FHIT: variants seen among roughly 807,000 people sequenced by gnomAD.
FHIT encodes bis(5'-adenosyl)-triphosphatase.
A neutral mutation model predicts 17.9 loss-of-function variants in FHIT; 19 were observed. The observed-to-expected ratio is 1.06, with a 90% CI of 0.74 to 1.56. The LOEUF is 1.56. Among genes scored for constraint, FHIT ranks in the 40% most tolerant of loss-of-function variants. The pLI, the probability that FHIT is intolerant of heterozygous loss-of-function variation, is 0.00. For missense variants in FHIT, 248 were observed against 189.2 expected (o/e 1.31, Z -1.82); for synonymous variants, 81 against 69.7 (o/e 1.16, Z -0.81).
At chr3:60,446,281 T>C (rs897923429) in intron 5 of FHIT, among the ~76,000 whole-genome samples, 5 of 152,118 alleles carry the variant, frequency 3.3e-5, no homozygotes, top group Admixed American at 2.6e-4. Flanking sequence ...GGATTTTAAG[T>C]AGAATTACAG....
At chr3:60,329,232 C>G (rs1317977527) in intron 5 of FHIT, among the ~76,000 whole-genome samples, 1 of 151,878 alleles carries the variant, frequency 6.6e-6, no homozygotes, top group Non-Finnish European at 1.5e-5. Context: ...ATTTAGCTAA[C>G]CATTTTAACA....
At chr3:60,530,617 G>C (rs576172233) in intron 5 of FHIT, among the ~76,000 whole-genome samples, 1 of 152,236 alleles carries the variant, frequency 6.6e-6, no homozygotes, top group Admixed American at 6.5e-5. Context: ...CTGACCCCAC[G>C]TGCAGCCTGA....
At chr3:59,875,826 A>C (rs1004437738) in intron 8 of FHIT, among the ~76,000 whole-genome samples, 1 of 152,114 alleles carries the variant, frequency 6.6e-6, no homozygotes, top group African/African-American at 2.4e-5. Context: ...TCATATTCAT[A>C]TGGATTCATA....
At chr3:60,296,394 G>A (rs147704656) in intron 5 of FHIT, among the ~76,000 whole-genome samples, 48 of 152,212 alleles carry the variant, frequency 3.2e-4, no homozygotes, top group African/African-American at 9.6e-4. Flanking sequence ...ATATCTCAAC[G>A]TGGTTTTATT....
At chr3:60,225,453 C>T (rs141060051) in intron 5 of FHIT, among the ~76,000 whole-genome samples, 1 of 152,136 alleles carries the variant, frequency 6.6e-6, no homozygotes, top group East Asian at 1.9e-4. Flanking sequence ...AGAAACAGGG[C>T]TAAAGGACTA....
chr3:61,136,711 G>A (rs991118708), intron 2 of FHIT, among the ~76,000 whole-genome samples: 1 of 152,220 alleles, frequency 6.6e-6, no homozygotes, highest in African/African-American at 2.4e-5. Context: ...GAGTGTCCAA[G>A]TCATTCACTT....
At chr3:60,619,600 C>CAAAAAAAAA (rs57198487) in intron 4 of FHIT, among the ~76,000 whole-genome samples, 8 of 88,690 alleles carry the variant, frequency 9.0e-5, no homozygotes, top group East Asian at 3.8e-4. Context: ...TACCCACATG[C>CAAAAAAAAA]AAAAAAAAAA....
At chr3:60,292,568 A>G (rs1451222453) in intron 5 of FHIT, among the ~76,000 whole-genome samples, 1 of 152,184 alleles carries the variant, frequency 6.6e-6, no homozygotes, top group Non-Finnish European at 1.5e-5. Flanking sequence ...AAGAGCATAT[A>G]ATACTCAGAA....
chr3:60,582,952 G>T (rs1389436065), intron 4 of FHIT, among the ~76,000 whole-genome samples: 2 of 151,902 alleles, frequency 1.3e-5, no homozygotes. Context: ...GCTAGGACTT[G>T]AACCCTATCT....
intron 8 of FHIT, among the ~76,000 whole-genome samples, chr3:59,821,731 C>T (rs986394361): frequency 1.3e-5 from 2 of 152,102 alleles, no homozygotes; most frequent in African/African-American, 4.8e-5. Context: ...TTTCCTTCTG[C>T]TCCTGGTTCT....
intron 7 of FHIT, among the ~76,000 whole-genome samples, chr3:59,995,524 T>C (rs1559533012): frequency 6.6e-6 from 1 of 152,168 alleles, no homozygotes; most frequent in East Asian, 1.9e-4. Context: ...TATTGTAAAC[T>C]TAACACCAGA....
At chr3:59,882,359 GA>G (rs1018911870) in intron 8 of FHIT, among the ~76,000 whole-genome samples, 38 of 151,562 alleles carry the variant, frequency 2.5e-4, no homozygotes, top group African/African-American at 5.8e-4. Context: ...CTGGATTAAG[GA>G]AAAAAAATAT....
chr3:60,263,310 A>G (rs1385985298), intron 5 of FHIT, among the ~76,000 whole-genome samples: 1 of 152,022 alleles, frequency 6.6e-6, no homozygotes, highest in Non-Finnish European at 1.5e-5. Context: ...ATTTGACTTT[A>G]AATATAGCAT....
intron 8 of FHIT, among the ~76,000 whole-genome samples, chr3:59,826,123 A>AT: frequency 6.6e-6 from 1 of 151,984 alleles, no homozygotes; most frequent in Non-Finnish European, 1.5e-5. Context: ...TGATCATCTT[A>AT]TTTATTTATT....
chr3:60,202,018 A>C (rs904305992), intron 5 of FHIT, among the ~76,000 whole-genome samples: 4 of 152,322 alleles, frequency 2.6e-5, no homozygotes, highest in Non-Finnish European at 4.4e-5. Context: ...TACTCCAGGA[A>C]CAAAGAGGAG....
intron 5 of FHIT, among the ~76,000 whole-genome samples, chr3:60,531,238 C>A (rs758633032): frequency 1.3e-5 from 2 of 150,160 alleles, no homozygotes; most frequent in African/African-American, 4.9e-5. Context: ...AGTGCTTGTG[C>A]TCATTTTACT....
At chr3:60,592,565 T>C (rs915799717) in intron 4 of FHIT, among the ~76,000 whole-genome samples, 3 of 152,120 alleles carry the variant, frequency 2.0e-5, no homozygotes, top group Admixed American at 6.5e-5. Flanking sequence ...TAGCCCAAGA[T>C]GGCATTCCAG....
chr3:60,204,519 G>C (rs542381422), intron 5 of FHIT, among the ~76,000 whole-genome samples: 3 of 150,498 alleles, frequency 2.0e-5, no homozygotes, highest in Non-Finnish European at 4.4e-5. Flanking sequence ...TTGAACTCCC[G>C]GGCTCAAGCA....
At chr3:60,804,442 G>C (rs1396736279) in intron 4 of FHIT, among the ~76,000 whole-genome samples, 1 of 152,182 alleles carries the variant, frequency 6.6e-6, no homozygotes, top group South Asian at 2.1e-4. Flanking sequence ...AGGATGCCTA[G>C]GTTCAAATCC....
Sources: allele counts gnomAD v4.1 joint callset (sites outside exome capture counted in the v4.1 genomes callset), GRCh38; gene constraint gnomAD v4.1.1; transcripts MANE v1.5; gene names NCBI Gene and HGNC (gene_info 2026-07-23, HGNC 2026-07-21).